CHD2: variants seen among roughly 807,000 people sequenced by gnomAD.
The protein encoded by CHD2 is ATP-dependent chromatin remodeler CHD2.
In CHD2, 28 loss-of-function variants were observed where a neutral mutation model predicts 243.9. The ratio of observed to expected loss-of-function variants is 0.11; its 90% CI spans 0.09 to 0.16. The LOEUF (loss-of-function observed/expected upper bound fraction) is 0.16, where lower values mean the gene tolerates loss of function less well. CHD2 is among the 10% of genes least tolerant of loss of function. The pLI is 1.00. For synonymous variants in CHD2, 775 were observed against 779.0 expected (o/e 0.99, Z 0.09); for missense variants, 1,386 against 2,209.8 (o/e 0.63, Z 7.47).
chr15:92,951,448 G>T (rs1429331033), intron 13 of CHD2, among the ~76,000 whole-genome samples: 1 of 152,098 alleles, frequency 6.6e-6, no homozygotes, highest in Non-Finnish European at 1.5e-5. Flanking sequence ...TGGGATTACA[G>T]CCATGAGCCA....
intron 2 of CHD2, among the ~76,000 whole-genome samples, chr15:92,914,765 TATTG>T (rs892569526): frequency 6.6e-6 from 1 of 152,222 alleles, no homozygotes; most frequent in Non-Finnish European, 1.5e-5. Flanking sequence ...TGGATTTTAT[TATTG>T]ATTAACAAAT....
In CHD2 at chr15:93,026,180, T is replaced by G. The variant is rs2054585494; in HGVS notation, c.*1475T>G. The G allele has an allele frequency of 6.6e-6, 1 of 152,576 alleles. No homozygotes were observed. Among genetic ancestry groups the G allele is most frequent in the Non-Finnish European group, 1.5e-5 (1 of 68,040 alleles). The allele number at this position is 152,576 out of a possible 1,614,324, so 9.5% of individuals were successfully genotyped here. ...ATTGTTAAGAGTATCCAAAGGCCTT[T>G]CTAGATGGAGACAGAATAACTGACT... On this transcript the variant is annotated 3_prime_UTR_variant, in exon 39 of 39. Transcript: ENST00000394196.
rs564059121 is a variant in CHD2 at position 92,927,214 on chromosome 15, A to G, written c.295-30A>G. On this transcript the variant is annotated intron_variant, in intron 3 of 38. Transcript: ENST00000394196. ...TAATAATAATGGGGGTCAAGAAAAA[A>G]GATTAATGCGTGGTCTCTTAATTTT... 3.1e-5 allele frequency: 46 copies of G among 1,496,452 alleles called. No homozygotes were observed. In the East Asian group the frequency reaches 9.7e-4, roughly 32 times the overall value. 92.7% of individuals were successfully genotyped at this position (1,496,452 alleles called of 1,614,324 possible).
intron 7 of CHD2, among the ~76,000 whole-genome samples, chr15:92,940,558 G>C (rs753485838): frequency 2.0e-5 from 3 of 151,526 alleles, no homozygotes; most frequent in Admixed American, 6.6e-5. Flanking sequence ...GTTCTTCATA[G>C]AGATGGTGAA....
chr15:92,966,909 C>CAAA (rs57813753), intron 16 of CHD2, among the ~76,000 whole-genome samples: 19 of 132,726 alleles, frequency 1.4e-4, no homozygotes, highest in Middle Eastern at 7.8e-3. Flanking sequence ...GACTCTGTCT[C>CAAA]AAAAAAAAAA....
Position 92,961,876 on chromosome 15 carries a change from CTTT to C in CHD2, c.2000+5248_2000+5250del, listed in dbSNP as rs3064790. 9.8e-3 allele frequency among the ~76,000 whole-genome samples: 773 copies of C among 78,596 alleles called. 3 individuals are homozygous for C. The highest frequency in any genetic ancestry group is 0.033 in the East Asian group (57 of 1,752). 51.6% of individuals were successfully genotyped at this position (78,596 alleles called of 152,430 possible). A position where few individuals can be genotyped will look rare whatever the true frequency, so the allele number is the denominator to read the frequency against. On this transcript the variant is annotated intron_variant, in intron 16 of 38. Coordinates refer to ENST00000394196, the MANE Select transcript of CHD2 (RefSeq NM_001271.4). ...GGTTTCTTCCTCTGTTTTTTCTTCT[CTTT>C]TTTTTTTTTTTTTTTTTTTTGAGAC...
At chr15:92,934,631 C>G (rs1428695313) in intron 5 of CHD2, among the ~76,000 whole-genome samples, 1 of 152,158 alleles carries the variant, frequency 6.6e-6, no homozygotes, top group East Asian at 1.9e-4. Flanking sequence ...GTGGGAGAGC[C>G]TTATACATCT....
At chr15:92,922,200 GC>G (rs2052968131) in intron 2 of CHD2, among the ~76,000 whole-genome samples, 1 of 152,130 alleles carries the variant, frequency 6.6e-6, no homozygotes, top group Non-Finnish European at 1.5e-5. Context: ...TGGAATCCCG[GC>G]CCCTCACCCT....
rs61752830 is a variant in CHD2 at position 93,020,083 on chromosome 15, G to A, written c.4978G>A (p.Asp1660Asn). The A allele has an allele frequency of 1.1e-4, 180 of 1,613,990 alleles. No homozygotes were observed. Among genetic ancestry groups the A allele is most frequent in the Non-Finnish European group, 1.3e-4 (150 of 1,180,032 alleles). ...CAACAACAATCCACCATGGGGAAGC[G>A]ACAGGCACCATCAGTATGAGCAGCA... ...GGNNNPPWGS[D>N]RHHQYEQHWY... is the part of the protein sequence containing the mutation. The change falls in exon 38 of 39, where the codon GAC (aspartate) becomes AAC (asparagine). Residue 1660 changes from aspartate (D) to asparagine (N), a missense_variant. By Grantham distance (23) the Asp-to-Asn change is conservative. Coordinates refer to ENST00000394196, the MANE Select transcript of CHD2 (RefSeq NM_001271.4).
rs2054378912 is a variant in CHD2, at chr15:93,010,502, C to T, written c.4592+1179C>T. 2.0e-5 allele frequency among the ~76,000 whole-genome samples: 3 copies of T among 151,970 alleles called. No homozygotes were observed. The South Asian group carries it at 6.2e-4, about 32-fold the overall frequency. On this transcript the variant is annotated intron_variant, in intron 35 of 38. Transcript: ENST00000394196. ...GTGCAGTGGCACAATCTTGGCACTGCAACCTCCACCTCCCTGGTTCAAGAG... is the reference window on the plus strand; with the variant it reads ...GTGCAGTGGCACAATCTTGGCACTGTAACCTCCACCTCCCTGGTTCAAGAG...
At chr15:92,945,594 C>A in intron 10 of CHD2, 1 of 229,028 alleles carries the variant, frequency 4.4e-6, no homozygotes, top group Non-Finnish European at 8.6e-6. Context: ...GACAGAGTTT[C>A]ACCATGTTGG....
intron 16 of CHD2, among the ~76,000 whole-genome samples, chr15:92,963,373 C>T (rs894394392): frequency 5.9e-5 from 9 of 152,122 alleles, no homozygotes; most frequent in Admixed American, 5.2e-4. Context: ...TTGTATGCAT[C>T]AGTCTTCTTC....
In CHD2 at chr15:92,900,702, G is replaced by T; in HGVS notation, c.-194G>T. 1 of 397,848 alleles carries T rather than the reference G, an allele frequency of 2.5e-6. No homozygotes were observed. Among genetic ancestry groups the T allele is most frequent in the South Asian group, 1.3e-4 (1 of 7,770 alleles). 24.6% of individuals were successfully genotyped at this position (397,848 alleles called of 1,614,324 possible). ...TTTTTTGACCAGTTAACATATTTGA[G>T]GGTTATTTTATTTATTTTTCGTTTT... is the stretch of plus-strand genomic sequence containing the variant. On this transcript the variant is annotated 5_prime_UTR_variant, in exon 1 of 39. In the 5' UTR this introduces an upstream ATG that the reference lacks. Transcript: ENST00000394196.
Position 92,920,187 on chromosome 15 carries a change from C to T in CHD2, c.63-4134C>T, listed in dbSNP as rs550175012. 2.6e-5 allele frequency among the ~76,000 whole-genome samples: 4 copies of T among 152,050 alleles called. No homozygotes were observed. The South Asian group carries it at 8.3e-4, about 32-fold the overall frequency. ...GAAGGTATTGTTGTGTGCATTGTTACATTTCTAGGAATCACTCTCCTACAC... is the reference window on the plus strand; with the variant it reads ...GAAGGTATTGTTGTGTGCATTGTTATATTTCTAGGAATCACTCTCCTACAC... On this transcript the variant is annotated intron_variant, in intron 2 of 38. Transcript: ENST00000394196.
chr15:92,904,734 C>A, intron 2 of CHD2: 2 of 1,389,920 alleles, frequency 1.4e-6, no homozygotes, highest in Non-Finnish European at 1.9e-6. Context: ...AAAATTTGCC[C>A]AGTTTTACAT....
chr15:92,923,244 G>C (rs1176476466), intron 2 of CHD2, among the ~76,000 whole-genome samples: 1 of 152,034 alleles, frequency 6.6e-6, no homozygotes, highest in African/African-American at 2.4e-5. Flanking sequence ...TCCTCTTTGG[G>C]TGAGATGCTT....
chr15:92,985,761 G>T, intron 26 of CHD2, 88 bp downstream of exon 26: 1 of 1,376,982 alleles, frequency 7.3e-7, no homozygotes, highest in Non-Finnish European at 9.9e-7. Flanking sequence ...TCGTGACAGG[G>T]TAGGCAGAGG....
chr15:93,000,741 G>T (rs1238423710), intron 32 of CHD2, 101 bp downstream of exon 32: 1 of 1,252,414 alleles, frequency 8.0e-7, no homozygotes, highest in South Asian at 1.8e-5. Context: ...GTTTACGAGT[G>T]GATTAAATGG....
At chr15:93,019,657 G>A (rs756356844) in intron 37 of CHD2, among the ~76,000 whole-genome samples, 3 of 152,262 alleles carry the variant, frequency 2.0e-5, no homozygotes, top group Non-Finnish European at 4.4e-5. Flanking sequence ...AATAAGGCTG[G>A]GCGTGGTGGC....
Sources: allele counts gnomAD v4.1 joint callset (sites outside exome capture counted in the v4.1 genomes callset), GRCh38; gene constraint gnomAD v4.1.1; transcripts MANE v1.5; gene names NCBI Gene and HGNC (gene_info 2026-07-23, HGNC 2026-07-21).